The following ITGB1 variants were observed in gnomAD, a reference collection of about 807,000 sequenced individuals.
ITGB1 encodes integrin beta-1.
ITGB1 carries 24 observed loss-of-function variants against 86.5 expected under a neutral mutation model. The ratio of observed to expected loss-of-function variants is 0.28; its 90% CI spans 0.20 to 0.39. The LOEUF (loss-of-function observed/expected upper bound fraction) is 0.39, where lower values mean the gene tolerates loss of function less well. Ranked by LOEUF, ITGB1 falls within the 10% of genes least tolerant of loss-of-function variation. The probability of loss-of-function intolerance (pLI) is 1.00; values close to 1 mark genes in which losing one functional copy is unlikely to be tolerated. For synonymous variants in ITGB1, 323 were observed against 316.8 expected, an observed-to-expected ratio of 1.02 and a Z score of -0.21; for missense variants, 556 against 946.9, an observed-to-expected ratio of 0.59 and a Z score of 5.42.
intron 1 of ITGB1, among the ~76,000 whole-genome samples, chr10:32,943,312 G>A (rs2095023363): frequency 6.6e-6 from 1 of 152,142 alleles, no homozygotes; most frequent in South Asian, 2.1e-4. Flanking sequence ...TGGGTTATAA[G>A]ATGGTCAACC....
chr10:32,932,499 G>C lies in ITGB1; in HGVS notation c.153+16C>G, dbSNP rs2137232257. 6.7e-7 allele frequency: 1 copy of C among 1,497,378 alleles called. No individual in the cohort carries two copies. The highest frequency in any genetic ancestry group is 9.3e-7 in the Non-Finnish European group (1 of 1,073,932). The allele number at this position is 1,497,378 out of a possible 1,614,324, so 92.8% of individuals were successfully genotyped here. ...ACCAGAGAACAAATGGAAAGGACTT[G>C]AGCAACCTTACTTACTGAATTTGTG... On this transcript the variant is annotated intron_variant, in intron 3 of 15. Coordinates refer to ENST00000302278, the MANE Select transcript of ITGB1 (RefSeq NM_002211.4).
At chr10:32,912,770 C>A (rs2094917625) in intron 11 of ITGB1, among the ~76,000 whole-genome samples, 1 of 152,246 alleles carries the variant, frequency 6.6e-6, no homozygotes, top group African/African-American at 2.4e-5. Flanking sequence ...GCAGAAACTT[C>A]TGCAGACTTA....
intron 15 of ITGB1, among the ~76,000 whole-genome samples, chr10:32,904,028 T>C (rs921269559): frequency 2.1e-5 from 3 of 145,576 alleles, no homozygotes; most frequent in Non-Finnish European, 4.6e-5. Context: ...AAACAAAAAA[T>C]AAAGAAAAAA....
chr10:32,951,400 ACAG>A (rs2095042368), intron 1 of ITGB1, among the ~76,000 whole-genome samples: 1 of 152,046 alleles, frequency 6.6e-6, no homozygotes. Context: ...GACAACTGGT[ACAG>A]CACCACCACC....
chr10:32,957,956 T>A (rs1006100945), intron 1 of ITGB1, 189 bp downstream of exon 1: 1 of 150,122 alleles, frequency 6.7e-6, no homozygotes, highest in Non-Finnish European at 1.5e-5. Context: ...GACTTCCTCC[T>A]GGACTAGCCT....
chr10:32,924,431 AATTT>A (rs1346809988), intron 6 of ITGB1, among the ~76,000 whole-genome samples: 7 of 152,228 alleles, frequency 4.6e-5, no homozygotes, highest in East Asian at 1.9e-4. Flanking sequence ...TGCTTTCGTT[AATTT>A]ATTTAATACG....
chr10:32,908,553 ATAAT>A lies in ITGB1; in HGVS notation c.2165-23_2165-20del, dbSNP rs1833104949. ...GGACACTCTGGAAAATAAGAAGGTAATAATGAGCACCACAAAGAGCTGTGCAGTG... is the reference window on the plus strand; with the variant it reads ...GGACACTCTGGAAAATAAGAAGGTAAGAGCACCACAAAGAGCTGTGCAGTG... On this transcript the variant is annotated intron_variant, in intron 14 of 15. Transcript: ENST00000302278. 6.2e-7 allele frequency: 1 copy of A among 1,610,104 alleles called. No homozygotes were observed. The highest frequency in any genetic ancestry group is 8.5e-7 in the Non-Finnish European group (1 of 1,177,090).
At chr10:32,922,411 G>T in intron 8 of ITGB1, 65 bp from the exon 9 acceptor site, 2 of 1,120,312 alleles carry the variant, frequency 1.8e-6, no homozygotes, top group South Asian at 1.3e-5. Flanking sequence ...AGGATCCACT[G>T]AGCAACTTTT....
intron 11 of ITGB1, among the ~76,000 whole-genome samples, chr10:32,915,948 T>G (rs1212894250): frequency 6.6e-6 from 1 of 152,046 alleles, no homozygotes; most frequent in Non-Finnish European, 1.5e-5. Flanking sequence ...CAGCAGCACA[T>G]CAAAAAGCTT....
chr10:32,920,434 T>G (rs1343404814), intron 9 of ITGB1, 49 bp from the exon 10 acceptor site: 1 of 1,558,724 alleles, frequency 6.4e-7, no homozygotes, highest in East Asian at 2.2e-5. Context: ...AAAATGCTAC[T>G]TGAATGCATA....
chr10:32,933,206 G>A (rs905747754), intron 2 of ITGB1: 1 of 152,082 alleles, frequency 6.6e-6, no homozygotes, highest in Non-Finnish European at 1.5e-5. Context: ...AAGCCACAGA[G>A]AGACATAAGT....
At chr10:32,922,605 T>C (rs2094953630) in intron 8 of ITGB1, 35 bp downstream of exon 8, 3 of 1,314,522 alleles carry the variant, frequency 2.3e-6, no homozygotes, top group South Asian at 1.3e-5. Flanking sequence ...ATCAAAAATG[T>C]TTAGAATCTT....
intron 15 of ITGB1, among the ~76,000 whole-genome samples, chr10:32,904,538 C>A (rs1245402307): frequency 6.6e-6 from 1 of 152,202 alleles, no homozygotes; most frequent in African/African-American, 2.4e-5. Context: ...GTGACATGTT[C>A]TTCTTAATGT....
chr10:32,938,924 A>G (rs1344294684), intron 1 of ITGB1, among the ~76,000 whole-genome samples: 1 of 152,158 alleles, frequency 6.6e-6, no homozygotes, highest in Admixed American at 6.5e-5. Context: ...CGGACAGGAA[A>G]GGAGAGGCAG....
At chr10:32,941,167 CCTG>C (rs1404056676) in intron 1 of ITGB1, among the ~76,000 whole-genome samples, 4 of 152,080 alleles carry the variant, frequency 2.6e-5, no homozygotes, top group Non-Finnish European at 5.9e-5. Context: ...AAGCAAAAGG[CCTG>C]CATATACAAA....
chr10:32,906,498 G>A (rs1161853438), intron 15 of ITGB1: 3 of 224,400 alleles, frequency 1.3e-5, no homozygotes, highest in Non-Finnish European at 1.9e-5. Flanking sequence ...GCTGAGGCAG[G>A]AGAATTGCTG....
intron 1 of ITGB1, among the ~76,000 whole-genome samples, chr10:32,951,435 T>C (rs1019596757): frequency 6.6e-6 from 1 of 151,208 alleles, no homozygotes; most frequent in Admixed American, 6.6e-5. Context: ...CTCCCTGTCC[T>C]GAAAAAAAAA....
intron 11 of ITGB1, among the ~76,000 whole-genome samples, chr10:32,912,515 GT>G (rs2094916677): frequency 6.6e-6 from 1 of 152,146 alleles, no homozygotes; most frequent in African/African-American, 2.4e-5. Flanking sequence ...GGCTCAGAGG[GT>G]CCCATGCCCA....
chr10:32,945,665 G>A (rs779864232), intron 1 of ITGB1, among the ~76,000 whole-genome samples: 1 of 151,994 alleles, frequency 6.6e-6, no homozygotes, highest in Non-Finnish European at 1.5e-5. Flanking sequence ...AAAGTTACAT[G>A]TCATTTGGGG....
Sources: gnomAD v4.1 joint callset for allele counts (sites outside exome capture counted in the v4.1 genomes callset) on GRCh38, gnomAD v4.1.1 for gene constraint, MANE v1.5 for transcripts, NCBI Gene and HGNC (gene_info 2026-07-23, HGNC 2026-07-21) for gene names.